VCAN: variants seen among roughly 807,000 people sequenced by gnomAD.
VCAN encodes versican core protein.
VCAN carries 44 observed loss-of-function variants against 245.5 expected under a neutral mutation model. The ratio of observed to expected loss-of-function variants is 0.18; its 90% CI spans 0.14 to 0.23. The LOEUF (loss-of-function observed/expected upper bound fraction) is 0.23, where lower values mean the gene tolerates loss of function less well. VCAN is among the 10% of genes least tolerant of loss of function. The probability of loss-of-function intolerance (pLI) is 1.00; values close to 1 mark genes in which losing one functional copy is unlikely to be tolerated. For missense variants in VCAN, 3,793 were observed against 4,057.9 expected (o/e 0.93, Z 1.77); for synonymous variants, 1,413 against 1,437.0 (o/e 0.98, Z 0.38).
chr5:83,570,687 G>T (rs1748253942), intron 12 of VCAN, among the ~76,000 whole-genome samples: 1 of 151,988 alleles, frequency 6.6e-6, no homozygotes, highest in South Asian at 2.1e-4. Flanking sequence ...GAAACATTTG[G>T]TATTGAAAAC....
At chr5:83,511,682 G>A (rs565983398) in intron 5 of VCAN, among the ~76,000 whole-genome samples, 19 of 152,024 alleles carry the variant, frequency 1.2e-4, no homozygotes, top group Admixed American at 3.9e-4. Context: ...TGGAATAACC[G>A]TGGTGGCAGT....
At chr5:83,472,773 G>C (rs1744241669) in intron 1 of VCAN, among the ~76,000 whole-genome samples, 1 of 152,198 alleles carries the variant, frequency 6.6e-6, no homozygotes, top group Non-Finnish European at 1.5e-5. Context: ...GGAAGGAGCA[G>C]AGGATGGGGG....
At chr5:83,522,719 G>A (rs538247298) in intron 7 of VCAN, among the ~76,000 whole-genome samples, 22 of 152,092 alleles carry the variant, frequency 1.4e-4, no homozygotes, top group Non-Finnish European at 3.1e-4. Flanking sequence ...GGCTAAAATC[G>A]TTTTGCATAT....
intron 2 of VCAN, among the ~76,000 whole-genome samples, chr5:83,488,257 G>A (rs544092175): frequency 7.2e-5 from 11 of 152,160 alleles, no homozygotes; most frequent in East Asian, 1.9e-4. Flanking sequence ...TGAACCTTAC[G>A]GATTTATTAA....
chr5:83,529,008 A>ACG, intron 7 of VCAN, among the ~76,000 whole-genome samples: 1 of 151,890 alleles, frequency 6.6e-6, no homozygotes, highest in African/African-American at 2.4e-5. Context: ...ACACACACAC[A>ACG]CACACACACA....
intron 12 of VCAN, among the ~76,000 whole-genome samples, chr5:83,566,416 G>A (rs957688362): frequency 1.3e-5 from 2 of 152,130 alleles, no homozygotes; most frequent in Non-Finnish European, 2.9e-5. Context: ...ATTGATCATG[G>A]CCACCTGGTG....
rs150999577 is a variant in VCAN at position 83,483,632 on chromosome 5, T to C, written c.70+44T>C. 5.7e-5 allele frequency: 89 copies of C among 1,557,340 alleles called. No homozygotes were observed. In the African/African-American group the frequency reaches 1.0e-3, roughly 18 times the overall value. ...TCTTTGGTGTTAATTGAAATAAAAA[T>C]GTAAGTGCTGGAGGATGAAATGGCA... On this transcript the variant is annotated intron_variant, in intron 2 of 14. Transcript: ENST00000265077.
Position 83,539,386 on chromosome 5 carries a change from C to A in VCAN, c.6383C>A (p.Ser2128Tyr). 3.1e-6 allele frequency: 5 copies of A among 1,614,028 alleles called. No homozygotes were observed. In the East Asian group the frequency reaches 6.7e-5, roughly 22 times the overall value. Residue 2128 changes from serine (S) to tyrosine (Y), a missense_variant, in exon 8 of 15, where the codon TCC (serine) becomes TAC (tyrosine). Ser to Tyr is a moderately radical substitution (Grantham distance 144, BLOSUM62 -2). Transcript: ENST00000265077. The stretch of plus-strand genomic sequence containing the variant: ...ATTCAAGAAGAAAAGTCATTTGAAT[C>A]CCCTCAAAACTCTCCTGCAACAGAA... ...EQIQEEKSFE[S>Y]PQNSPATEQT...
intron 5 of VCAN, among the ~76,000 whole-genome samples, chr5:83,504,839 A>C (rs1376314363): frequency 6.6e-6 from 1 of 152,178 alleles, no homozygotes; most frequent in African/African-American, 2.4e-5. Flanking sequence ...GAAGAAAAAG[A>C]GGTTTAATTG....
chr5:83,550,997 T>C (rs1206734009), intron 10 of VCAN, among the ~76,000 whole-genome samples: 1 of 151,108 alleles, frequency 6.6e-6, no homozygotes. Context: ...TTATAGTCAT[T>C]GGGAAGCTAT....
chr5:83,527,452 C>T (rs890001167), intron 7 of VCAN, among the ~76,000 whole-genome samples: 2 of 152,144 alleles, frequency 1.3e-5, no homozygotes, highest in Non-Finnish European at 2.9e-5. Flanking sequence ...CACGGACTGT[C>T]CCAAGTCTAG....
rs776202012 is a variant in VCAN, at chr5:83,537,397, T to C, written c.4394T>C (p.Val1465Ala). 1.1e-5 allele frequency: 17 copies of C among 1,613,996 alleles called. 1 individual carries two copies. In the South Asian group the frequency reaches 1.8e-4, roughly 17 times the overall value. Residue 1465 changes from valine to alanine, a missense_variant, in exon 8 of 15, where the codon GTG (valine) becomes GCG (alanine). Val to Ala is a moderately conservative substitution (Grantham distance 64). Coordinates refer to ENST00000265077, the MANE Select transcript of VCAN (RefSeq NM_004385.5). ...GCCAAAACGGAATTGTCTACTGCTG[T>C]GCAACCTAATGAATCTACAGAAACA... ...VIAKTELSTAVQPNESTETTE... is the reference protein window; with the variant it reads ...VIAKTELSTAAQPNESTETTE...
At position 83,540,041 on chromosome 5, in the gene VCAN, G is replaced by T. The variant is rs1454792299; in HGVS notation, c.7038G>T (p.Val2346=). 1 of 1,614,042 alleles carries T rather than the reference G, an allele frequency of 6.2e-7. No individual in the cohort carries two copies. The highest frequency in any genetic ancestry group is 1.3e-5 in the African/African-American group (1 of 75,038). ...ACACTGGAGCAGAAGGACCCACGGT[G>T]GCACCTCTCCCTTTCTCCACGGACA... ...LSDTGAEGPT[V]APLPFSTDIG... Residue 2346 remains valine, a synonymous_variant, in exon 8 of 15, where the codon GTG becomes GTT. Transcript: ENST00000265077.
At chr5:83,511,521 T>C (rs1368866446) in intron 5 of VCAN, among the ~76,000 whole-genome samples, 3 of 152,070 alleles carry the variant, frequency 2.0e-5, no homozygotes, top group African/African-American at 4.8e-5. Flanking sequence ...AGTAGAATTC[T>C]GTACCACTTC....
rs1747401947 is a variant in VCAN, at chr5:83,550,079, G to C, written c.9493+1995G>C. Among the ~76,000 whole-genome samples the C allele has an allele frequency of 2.0e-5, 3 of 152,208 alleles. No individual in the cohort carries two copies. The South Asian group carries it at 6.2e-4, about 31-fold the overall frequency. The stretch of plus-strand genomic sequence containing the variant: ...TCTAGAAAGGGCTATTGGAACAGTA[G>C]AGAGGCAGTTCTGGCTGCACAAACT... On this transcript the variant is annotated intron_variant, in intron 10 of 14. Transcript: ENST00000265077.
At position 83,541,553 on chromosome 5, in the gene VCAN, A is replaced by G. The variant is rs778996177; in HGVS notation, c.8550A>G (p.Pro2850=). ...AGATCCCCCAGCCCAGTGCTCTGCC[A>G]GGAATAGACGTCGGCTCATCTGTAA... The part of the protein sequence containing the change: ...HTEIPQPSAL[P]GIDVGSSVMS... The change falls in exon 8 of 15, where the codon CCA becomes CCG. Residue 2850 remains proline, a synonymous_variant. Transcript: ENST00000265077. 8 of 1,613,860 alleles carry G rather than the reference A, an allele frequency of 5.0e-6. No individual in the cohort carries two copies. Among genetic ancestry groups the G allele is most frequent in the Non-Finnish European group, 5.1e-6 (6 of 1,180,012 alleles).
intron 1 of VCAN, among the ~76,000 whole-genome samples, chr5:83,477,885 A>T (rs1744451259): frequency 6.6e-6 from 1 of 152,088 alleles, no homozygotes; most frequent in South Asian, 2.1e-4. Flanking sequence ...AGTAATTAAA[A>T]CACCAATGAT....
intron 13 of VCAN, among the ~76,000 whole-genome samples, chr5:83,579,004 G>T (rs1748571694): frequency 6.6e-6 from 1 of 151,954 alleles, no homozygotes; most frequent in Non-Finnish European, 1.5e-5. Context: ...AATTTAAAAT[G>T]ATGGTTAAGA....
At chr5:83,515,984 G>A (rs932794933) in intron 6 of VCAN, among the ~76,000 whole-genome samples, 1 of 152,230 alleles carries the variant, frequency 6.6e-6, no homozygotes, top group Non-Finnish European at 1.5e-5. Context: ...TGTAATCCCA[G>A]CATTTTGGGA....
Sources: allele counts gnomAD v4.1 joint callset (sites outside exome capture counted in the v4.1 genomes callset), GRCh38; gene constraint gnomAD v4.1.1; transcripts MANE v1.5; gene names NCBI Gene and HGNC (gene_info 2026-07-23, HGNC 2026-07-21).